The following SNTG2 variants were observed in gnomAD, a reference collection of about 807,000 sequenced individuals.
The protein encoded by SNTG2 is syntrophin gamma 2, also known as gamma-2-syntrophin.
SNTG2 carries 74 observed loss-of-function variants against 70.9 expected under a neutral mutation model. The observed-to-expected ratio is 1.04, with a 90% confidence interval of 0.86 to 1.27. SNTG2 has a LOEUF of 1.27. Among genes scored for constraint, SNTG2 ranks in the 50% most tolerant of loss-of-function variants. The pLI is 0.00. For synonymous variants in SNTG2, 278 were observed against 273.8 expected (o/e 1.02, Z -0.15); for missense variants, 717 against 690.7 (o/e 1.04, Z -0.43).
intron 16 of SNTG2, among the ~76,000 whole-genome samples, chr2:1,329,251 AG>A (rs1270774375): frequency 6.6e-6 from 1 of 152,156 alleles, no homozygotes; most frequent in African/African-American, 2.4e-5. Context: ...TTAAGAGAAA[AG>A]GCTAAAAAAC....
chr2:968,050 T>C (rs1018876181), intron 1 of SNTG2, among the ~76,000 whole-genome samples: 16 of 152,300 alleles, frequency 1.1e-4, no homozygotes, highest in African/African-American at 3.8e-4. Flanking sequence ...AAAGTGTCTT[T>C]TTATAGTTCC....
chr2:1,202,324 A>G (rs1235937187), intron 8 of SNTG2, among the ~76,000 whole-genome samples: 2 of 111,922 alleles, frequency 1.8e-5, no homozygotes, highest in Non-Finnish European at 3.8e-5. Flanking sequence ...AGGTTTTTAT[A>G]TTTGTGAAGT....
intron 16 of SNTG2, among the ~76,000 whole-genome samples, chr2:1,350,245 A>G (rs1200504802): frequency 6.6e-6 from 1 of 151,980 alleles, no homozygotes; most frequent in Non-Finnish European, 1.5e-5. Context: ...GCAGAGGGAG[A>G]AGGTGGTTCT....
intron 1 of SNTG2, among the ~76,000 whole-genome samples, chr2:994,665 G>A (rs1013908008): frequency 4.6e-5 from 7 of 151,796 alleles, no homozygotes; most frequent in African/African-American, 1.4e-4. Context: ...AATTTTAACT[G>A]TATTGCCTTC....
chr2:1,282,141 T>G (rs1035649085), intron 14 of SNTG2, among the ~76,000 whole-genome samples: 1 of 152,210 alleles, frequency 6.6e-6, no homozygotes, highest in African/African-American at 2.4e-5. Context: ...TTGGCTTTGG[T>G]ATGACTACAG....
At chr2:1,077,398 CTG>C (rs941848069) in intron 1 of SNTG2, among the ~76,000 whole-genome samples, 6 of 152,124 alleles carry the variant, frequency 3.9e-5, no homozygotes, top group Admixed American at 1.3e-4. Flanking sequence ...GTTGTAGTGA[CTG>C]TGGTTTTTTC....
intron 14 of SNTG2, among the ~76,000 whole-genome samples, chr2:1,300,296 A>G (rs573696155): frequency 6.6e-6 from 1 of 152,368 alleles, no homozygotes; most frequent in African/African-American, 2.4e-5. Context: ...AAATCCTTTC[A>G]AAGTCCACTC....
chr2:1,132,248 C>T (rs28560482), intron 4 of SNTG2, among the ~76,000 whole-genome samples: 40,193 of 138,600 alleles, frequency 0.29, 6,017 homozygotes, highest in African/African-American at 0.44. Context: ...TATATATATA[C>T]ACACACACAC....
At chr2:1,289,354 C>G (rs1327989157) in intron 14 of SNTG2, among the ~76,000 whole-genome samples, 1 of 152,040 alleles carries the variant, frequency 6.6e-6, no homozygotes, top group African/African-American at 2.4e-5. Context: ...TGCGTGCACT[C>G]AGCAGGAGCC....
At chr2:1,309,937 G>T (rs1432588376) in intron 15 of SNTG2, among the ~76,000 whole-genome samples, 1 of 152,182 alleles carries the variant, frequency 6.6e-6, no homozygotes, top group Non-Finnish European at 1.5e-5. Context: ...TAGGTGACTT[G>T]CTCTTAATAT....
chr2:1,117,868 C>T (rs1193426677), intron 4 of SNTG2, among the ~76,000 whole-genome samples: 2 of 152,218 alleles, frequency 1.3e-5, no homozygotes, highest in Non-Finnish European at 2.9e-5. Context: ...GTGTGTGGCA[C>T]CTCATCTCCT....
At chr2:1,193,769 G>A (rs1672739800) in intron 8 of SNTG2, among the ~76,000 whole-genome samples, 1 of 152,168 alleles carries the variant, frequency 6.6e-6, no homozygotes. Context: ...ACCATCTACT[G>A]CATGTTTCTA....
chr2:1,297,090 T>A (rs1005255874), intron 14 of SNTG2, among the ~76,000 whole-genome samples: 3 of 152,126 alleles, frequency 2.0e-5, no homozygotes, highest in Non-Finnish European at 2.9e-5. Flanking sequence ...CTGAAGGAAG[T>A]AGCAGAAGTT....
chr2:1,217,646 T>C (rs955859780), intron 9 of SNTG2, among the ~76,000 whole-genome samples: 4 of 152,180 alleles, frequency 2.6e-5, no homozygotes, highest in African/African-American at 9.7e-5. Context: ...AGACATTATG[T>C]AGTCTACATT....
chr2:1,014,493 G>C (rs372780896), intron 1 of SNTG2, among the ~76,000 whole-genome samples: 361 of 85,588 alleles, frequency 4.2e-3, no homozygotes, highest in East Asian at 0.025. Flanking sequence ...GAGAAGGGTG[G>C]TCTGGAGAGG....
At chr2:1,065,340 A>C (rs1663080150) in intron 1 of SNTG2, among the ~76,000 whole-genome samples, 1 of 152,098 alleles carries the variant, frequency 6.6e-6, no homozygotes, top group Admixed American at 6.5e-5. Flanking sequence ...CTAAACCATA[A>C]ATAGTCACAG....
At chr2:1,312,692 C>G (rs887145533) in intron 15 of SNTG2, among the ~76,000 whole-genome samples, 2 of 152,190 alleles carry the variant, frequency 1.3e-5, no homozygotes, top group African/African-American at 4.8e-5. Context: ...CAGGCCACTT[C>G]CCACACCGCA....
chr2:987,101 A>G (rs1347282565), intron 1 of SNTG2, among the ~76,000 whole-genome samples: 1 of 152,248 alleles, frequency 6.6e-6, no homozygotes, highest in Non-Finnish European at 1.5e-5. Flanking sequence ...GGTGGTTGCC[A>G]TCTGCCTGGG....
chr2:1,263,618 G>A (rs529594777), intron 13 of SNTG2, among the ~76,000 whole-genome samples: 1 of 152,216 alleles, frequency 6.6e-6, no homozygotes, highest in South Asian at 2.1e-4. Context: ...TGCCAGAGCT[G>A]ACCCTGCCAG....
Sources: gnomAD v4.1 joint callset for allele counts (sites outside exome capture counted in the v4.1 genomes callset) on GRCh38, gnomAD v4.1.1 for gene constraint, MANE v1.5 for transcripts, NCBI Gene and HGNC (gene_info 2026-07-23, HGNC 2026-07-21) for gene names.